The following UGT1A10 variants were observed in gnomAD, a reference collection of about 807,000 sequenced individuals.
The protein encoded by UGT1A10 is UDP-glucuronosyltransferase 1A10.
A neutral mutation model predicts 45.8 loss-of-function variants in UGT1A10; 49 were observed. That is an observed-to-expected ratio of 1.07 (90% CI 0.85 to 1.36). The LOEUF is 1.36. Among genes scored for constraint, UGT1A10 ranks in the 40% most tolerant of loss-of-function variants. The pLI is 0.00. For synonymous variants in UGT1A10, 284 were observed against 249.7 expected (o/e 1.14, Z -1.29); for missense variants, 745 against 668.6 (o/e 1.11, Z -1.26).
chr2:233,754,301 G>C (rs576538259), intron 1 of UGT1A10: 100 of 236,450 alleles, frequency 4.2e-4, no homozygotes, highest in African/African-American at 2.0e-3. Flanking sequence ...CTAGCACTAG[G>C]AAATAATCAT....
intron 1 of UGT1A10, among the ~76,000 whole-genome samples, chr2:233,715,001 C>T (rs1309641293): frequency 6.6e-6 from 1 of 152,178 alleles, no homozygotes; most frequent in South Asian, 2.1e-4. Flanking sequence ...CTCAGCCTCC[C>T]AAGTAGCTGG....
At chr2:233,681,530 CAAAA>C (rs747693860) in intron 1 of UGT1A10, among the ~76,000 whole-genome samples, 16 of 77,720 alleles carry the variant, frequency 2.1e-4, no homozygotes, top group African/African-American at 2.4e-4. Context: ...GACTCCATCT[CAAAA>C]AAAAAAAAAA....
chr2:233,751,416 G>A (rs1308291640), intron 1 of UGT1A10, among the ~76,000 whole-genome samples: 3 of 152,160 alleles, frequency 2.0e-5, no homozygotes, highest in African/African-American at 4.8e-5. Flanking sequence ...GGACTTTTGA[G>A]CTAGTGCTGA....
chr2:233,690,431 T>C, intron 1 of UGT1A10: 1 of 1,261,160 alleles, frequency 7.9e-7, no homozygotes, highest in Non-Finnish European at 1.0e-6. Flanking sequence ...TGCACATCTT[T>C]GGGTCTCTCC....
At chr2:233,661,623 T>TTTTCTTTCTGTCTTTC (rs1553602619) in intron 1 of UGT1A10, among the ~76,000 whole-genome samples, 12 of 124,046 alleles carry the variant, frequency 9.7e-5, no homozygotes, top group African/African-American at 3.8e-4. Context: ...ACTTACTGAA[T>TTTTCTTTCTGTCTTTC]TTTCTTTCTT....
At chr2:233,647,991 G>C in intron 1 of UGT1A10, 1 of 1,607,716 alleles carries the variant, frequency 6.2e-7, no homozygotes, top group Non-Finnish European at 8.5e-7. Context: ...TTCTCAGGGG[G>C]CATGAGGTGG....
intron 1 of UGT1A10, chr2:233,672,342 C>T (rs1378723729): frequency 1.2e-6 from 2 of 1,614,048 alleles, no homozygotes; most frequent in Admixed American, 1.7e-5. Flanking sequence ...TAGTAGAATA[C>T]TTAAAGGAGA....
At position 233,740,170 on chromosome 2, in the gene UGT1A10, T is replaced by C. The variant is rs191572005; in HGVS notation, c.856-26864T>C. ...TGAGGCCTCCCCAGTCATGTGGAAC[T>C]GTGAGTCAATTAAACCTCTTTCTTT... On this transcript the variant is annotated intron_variant, in intron 1 of 4. Transcript: ENST00000344644. Among the ~76,000 whole-genome samples the C allele has an allele frequency of 5.3e-5, 8 of 151,994 alleles. No individual in the cohort carries two copies. The East Asian group carries it at 1.5e-3, about 29-fold the overall frequency.
chr2:233,652,633 A>G (rs1394228323), intron 1 of UGT1A10, among the ~76,000 whole-genome samples: 2 of 152,238 alleles, frequency 1.3e-5, no homozygotes, highest in African/African-American at 4.8e-5. Context: ...CATGCAGATC[A>G]GTAGAACGGA....
chr2:233,710,755 G>T (rs938686167), intron 1 of UGT1A10, among the ~76,000 whole-genome samples: 7 of 152,162 alleles, frequency 4.6e-5, no homozygotes, highest in African/African-American at 1.7e-4. Context: ...AAAGTTGCAA[G>T]TTTTGATTAA....
intron 1 of UGT1A10, among the ~76,000 whole-genome samples, chr2:233,701,179 T>C (rs961391364): frequency 6.6e-6 from 1 of 152,222 alleles, no homozygotes; most frequent in African/African-American, 2.4e-5. Context: ...GTTATAAACA[T>C]ACATGTGCAT....
intron 1 of UGT1A10, among the ~76,000 whole-genome samples, chr2:233,653,673 T>G (rs2073790170): frequency 1.3e-5 from 2 of 152,210 alleles, no homozygotes; most frequent in Admixed American, 1.3e-4. Flanking sequence ...CTCAGCTTAC[T>G]GCAACATCTG....
chr2:233,718,448 A>C (rs1195821608), intron 1 of UGT1A10, among the ~76,000 whole-genome samples: 1 of 152,148 alleles, frequency 6.6e-6, no homozygotes, highest in Admixed American at 6.5e-5. Flanking sequence ...GGCAATGGTG[A>C]CTCCTCAGAC....
At chr2:233,728,607 C>G (rs868048236) in intron 1 of UGT1A10, among the ~76,000 whole-genome samples, 1 of 152,210 alleles carries the variant, frequency 6.6e-6, no homozygotes, top group South Asian at 2.1e-4. Flanking sequence ...CCAGCCTCCA[C>G]GCTGTTCAGA....
chr2:233,727,005 A>G (rs937597843), intron 1 of UGT1A10, among the ~76,000 whole-genome samples: 3 of 152,154 alleles, frequency 2.0e-5, no homozygotes, highest in African/African-American at 7.2e-5. Context: ...GCAAAGTTTT[A>G]TCATTTGTTG....
At chr2:233,678,990 A>T (rs914113792) in intron 1 of UGT1A10, among the ~76,000 whole-genome samples, 1 of 152,218 alleles carries the variant, frequency 6.6e-6, no homozygotes, top group Non-Finnish European at 1.5e-5. Flanking sequence ...AGCTCTTTCT[A>T]TAATAACAGT....
At chr2:233,746,832 T>C (rs1693484231) in intron 1 of UGT1A10, among the ~76,000 whole-genome samples, 1 of 151,782 alleles carries the variant, frequency 6.6e-6, no homozygotes, top group Admixed American at 6.5e-5. Context: ...CCTACCACTG[T>C]TGGGGACCTC....
chr2:233,761,081 C>A, intron 1 of UGT1A10: 2 of 1,614,180 alleles, frequency 1.2e-6, no homozygotes, highest in Non-Finnish European at 1.7e-6. Context: ...AAGGATTACC[C>A]TAGGCCCATC....
intron 1 of UGT1A10, chr2:233,740,955 A>G (rs1274225683): frequency 1.3e-5 from 2 of 151,640 alleles, no homozygotes; most frequent in Non-Finnish European, 2.9e-5. Flanking sequence ...TAGGTGTGGT[A>G]GCATTTCTGT....
Sources: allele counts gnomAD v4.1 joint callset (sites outside exome capture counted in the v4.1 genomes callset), GRCh38; gene constraint gnomAD v4.1.1; transcripts MANE v1.5; gene names NCBI Gene and HGNC (gene_info 2026-07-23, HGNC 2026-07-21).